EYS: variants seen among roughly 807,000 people sequenced by gnomAD.
EYS encodes protein eyes shut homolog.
In EYS, 250 loss-of-function variants were observed where a neutral mutation model predicts 282.1. That is an observed-to-expected ratio of 0.89 (90% CI 0.80 to 0.98). The LOEUF is 0.98. Among genes scored for constraint, EYS ranks in the 50% least tolerant of loss-of-function variants. The pLI is 0.00. For synonymous variants in EYS, 1,355 were observed against 1,282.9 expected (o/e 1.06, Z -1.20); for missense variants, 4,016 against 3,709.0 (o/e 1.08, Z -2.15).
intron 35 of EYS, among the ~76,000 whole-genome samples, chr6:63,923,264 C>A (rs563768212): frequency 1.9e-4 from 29 of 152,026 alleles, no homozygotes; most frequent in African/African-American, 6.8e-4. Context: ...GGGACAAAAT[C>A]CACGTGTTCT....
intron 18 of EYS, among the ~76,000 whole-genome samples, chr6:64,887,444 C>CA (rs5876930): frequency 1.7e-4 from 25 of 150,380 alleles, no homozygotes; most frequent in Middle Eastern, 3.4e-3. Context: ...AATAAACAAA[C>CA]AAAAAAAAAG....
chr6:64,108,759 G>A (rs549900001), intron 31 of EYS, among the ~76,000 whole-genome samples: 15 of 151,910 alleles, frequency 9.9e-5, no homozygotes, highest in Non-Finnish European at 1.8e-4. Context: ...CCTCACTAAC[G>A]CTGTTGCCTT....
chr6:65,133,301 A>G (rs1373727314), intron 12 of EYS, among the ~76,000 whole-genome samples: 1 of 151,964 alleles, frequency 6.6e-6, no homozygotes, highest in Non-Finnish European at 1.5e-5. Flanking sequence ...AAACAACAAC[A>G]ACAAAAAACA....
intron 19 of EYS, among the ~76,000 whole-genome samples, chr6:64,842,196 T>C (rs1468233710): frequency 1.3e-5 from 2 of 151,516 alleles, no homozygotes; most frequent in African/African-American, 4.9e-5. Flanking sequence ...GAGCGCAGAA[T>C]TTACATAAGG....
intron 15 of EYS, among the ~76,000 whole-genome samples, chr6:64,928,997 G>A (rs999917774): frequency 3.3e-5 from 5 of 152,146 alleles, no homozygotes; most frequent in Non-Finnish European, 7.4e-5. Flanking sequence ...ACATCAGAAG[G>A]TGTTGGGGTT....
chr6:65,206,642 T>G (rs1261997947), intron 12 of EYS, among the ~76,000 whole-genome samples: 1 of 151,634 alleles, frequency 6.6e-6, no homozygotes, highest in African/African-American at 2.4e-5. Context: ...AAAATGCAAG[T>G]AAACTGAATC....
chr6:64,347,653 T>A (rs984343144), intron 29 of EYS, among the ~76,000 whole-genome samples: 1 of 151,386 alleles, frequency 6.6e-6, no homozygotes. Context: ...TTACTTTGCT[T>A]CTTTCTTGGC....
intron 5 of EYS, among the ~76,000 whole-genome samples, chr6:65,468,521 A>G (rs1765090699): frequency 6.6e-6 from 1 of 152,042 alleles, no homozygotes; most frequent in Non-Finnish European, 1.5e-5. Context: ...TTAGTTAGTT[A>G]TTTAGTTATT....
intron 13 of EYS, among the ~76,000 whole-genome samples, chr6:65,051,829 C>T (rs1773278333): frequency 6.6e-6 from 1 of 151,450 alleles, no homozygotes; most frequent in Non-Finnish European, 1.5e-5. Flanking sequence ...TCTGTAGGTA[C>T]TAGCATTAAC....
intron 22 of EYS, among the ~76,000 whole-genome samples, chr6:64,796,263 G>C (rs1007106909): frequency 6.6e-6 from 1 of 151,832 alleles, no homozygotes; most frequent in Non-Finnish European, 1.5e-5. Context: ...AAATTTATAT[G>C]TAGCTACTGG....
intron 22 of EYS, among the ~76,000 whole-genome samples, chr6:64,777,081 A>G (rs943607650): frequency 3.3e-5 from 5 of 152,196 alleles, no homozygotes; most frequent in Non-Finnish European, 5.9e-5. Context: ...AAACCATCAC[A>G]TCTTATGATA....
intron 29 of EYS, among the ~76,000 whole-genome samples, chr6:64,315,121 C>T (rs1165417372): frequency 6.6e-6 from 1 of 152,090 alleles, no homozygotes; most frequent in African/African-American, 2.4e-5. Flanking sequence ...GAAATACAAA[C>T]TACCATTAGA....
chr6:64,689,750 G>T (rs1770301760), intron 22 of EYS, among the ~76,000 whole-genome samples: 1 of 152,170 alleles, frequency 6.6e-6, no homozygotes, highest in Admixed American at 6.6e-5. Flanking sequence ...TTAATAAATG[G>T]TGCTGGGAAA....
At chr6:64,674,888 A>G (rs1043807606) in intron 22 of EYS, among the ~76,000 whole-genome samples, 11 of 152,040 alleles carry the variant, frequency 7.2e-5, no homozygotes, top group South Asian at 6.2e-4. Context: ...ACGCTTGAAA[A>G]CTTTTGCCAA....
At chr6:64,325,256 G>A (rs1424967281) in intron 29 of EYS, among the ~76,000 whole-genome samples, 3 of 152,164 alleles carry the variant, frequency 2.0e-5, no homozygotes, top group Non-Finnish European at 4.4e-5. Context: ...AGGACTCTGT[G>A]CAGACAACCC....
At chr6:64,375,520 C>T (rs1252427720) in intron 29 of EYS, among the ~76,000 whole-genome samples, 1 of 152,152 alleles carries the variant, frequency 6.6e-6, no homozygotes, top group African/African-American at 2.4e-5. Context: ...CCTAGGCTTG[C>T]TTTCTTTGTA....
Position 64,971,767 on chromosome 6 carries a change from C to A in EYS, c.2259+25815G>T, listed in dbSNP as rs61601043. Among the ~76,000 whole-genome samples the A allele has an allele frequency of 3.6e-3, 545 of 152,220 alleles. 6 individuals carry two copies. The highest frequency in any genetic ancestry group is 0.012 in the African/African-American group (510 of 41,544). On this transcript the variant is annotated intron_variant, in intron 14 of 42. Coordinates refer to ENST00000503581, the MANE Select transcript of EYS (RefSeq NM_001142800.2). Reference sequence around the variant, plus strand: ...TTTAAGGTTAATTACACACAGTACTCTCTAGAAAGGATTGTCAGTGCTGGA... The same window carrying A: ...TTTAAGGTTAATTACACACAGTACTATCTAGAAAGGATTGTCAGTGCTGGA...
intron 24 of EYS, among the ~76,000 whole-genome samples, chr6:64,610,404 ATTTTTT>A (rs10536697): frequency 1.0e-5 from 1 of 100,168 alleles, no homozygotes; most frequent in Admixed American, 1.1e-4. Context: ...TGTTGTAAGA[ATTTTTT>A]TTTTTTTTTT....
intron 29 of EYS, among the ~76,000 whole-genome samples, chr6:64,314,738 A>G (rs975915714): frequency 5.9e-5 from 9 of 152,316 alleles, no homozygotes; most frequent in African/African-American, 2.2e-4. Flanking sequence ...AATGAGAACA[A>G]AGACACAACA....
Sources: gnomAD v4.1 joint callset for allele counts (sites outside exome capture counted in the v4.1 genomes callset) on GRCh38, gnomAD v4.1.1 for gene constraint, MANE v1.5 for transcripts, NCBI Gene and HGNC (gene_info 2026-07-23, HGNC 2026-07-21) for gene names.